VRK1: variants seen among roughly 807,000 people sequenced by gnomAD.
VRK1 encodes serine/threonine-protein kinase VRK1.
Under a neutral mutation model 57.1 loss-of-function variants are expected in VRK1, and 33 were observed. The ratio of observed to expected loss-of-function variants is 0.58; its 90% CI spans 0.44 to 0.77. The LOEUF (loss-of-function observed/expected upper bound fraction) is 0.77. Among genes scored for constraint, VRK1 ranks in the 30% least tolerant of loss-of-function variants. VRK1 has a pLI of 0.00. For missense variants in VRK1, 413 were observed against 477.3 expected (o/e 0.87, Z 1.25); for synonymous variants, 137 against 147.8 (o/e 0.93, Z 0.53).
At chr14:96,843,070 A>G (rs1181065135) in intron 3 of VRK1, among the ~76,000 whole-genome samples, 1 of 152,242 alleles carries the variant, frequency 6.6e-6, no homozygotes, top group Non-Finnish European at 1.5e-5. Flanking sequence ...TGTTAGGCAC[A>G]TAATAAAAAT....
chr14:96,815,343 A>G (rs1186960403), intron 1 of VRK1, among the ~76,000 whole-genome samples: 2 of 152,210 alleles, frequency 1.3e-5, no homozygotes, highest in Non-Finnish European at 2.9e-5. Flanking sequence ...TGAGGGATGC[A>G]GATAAATGTA....
At chr14:96,844,965 G>A (rs1887620111) in intron 3 of VRK1, among the ~76,000 whole-genome samples, 1 of 152,116 alleles carries the variant, frequency 6.6e-6, no homozygotes, top group African/African-American at 2.4e-5. Flanking sequence ...GTGAAGAAAA[G>A]GTGAACATAT....
intron 12 of VRK1, among the ~76,000 whole-genome samples, chr14:96,879,952 A>G (rs962895334): frequency 2.0e-5 from 3 of 151,926 alleles, no homozygotes; most frequent in South Asian, 2.1e-4. Context: ...AATAATAAAA[A>G]TAAAATTTCT....
In VRK1 at chr14:96,821,312, GAGCTT is replaced by G. The variant is rs148431679; in HGVS notation, c.-5-12152_-5-12148del. Among the ~76,000 whole-genome samples the G allele has an allele frequency of 9.0e-3, 1,363 of 152,262 alleles. 22 individuals are homozygous for G. Among genetic ancestry groups the G allele is most frequent in the African/African-American group, 0.031 (1,295 of 41,540 alleles). On this transcript the variant is annotated intron_variant, in intron 1 of 12. Transcript: ENST00000216639. ...GGCAAACTAAATAGCTATAAAGAGAGAGCTTAGAAAGTCTAGAGTAAGAGATGATT... is the reference window on the plus strand; with the variant it reads ...GGCAAACTAAATAGCTATAAAGAGAGAGAAAGTCTAGAGTAAGAGATGATT...
At chr14:96,856,620 T>C in intron 10 of VRK1, 34 bp downstream of exon 10, 2 of 1,585,670 alleles carry the variant, frequency 1.3e-6, no homozygotes, top group Non-Finnish European at 1.7e-6. Context: ...TAATAGGGAT[T>C]TTGTTTTCTG....
intron 1 of VRK1, among the ~76,000 whole-genome samples, chr14:96,822,649 A>G (rs915975268): frequency 6.6e-6 from 1 of 152,250 alleles, no homozygotes; most frequent in African/African-American, 2.4e-5. Context: ...AGCAAAAAAT[A>G]TAACAAATGT....
chr14:96,873,485 G>T (rs1486506463), intron 11 of VRK1, among the ~76,000 whole-genome samples: 1 of 151,754 alleles, frequency 6.6e-6, no homozygotes, highest in East Asian at 2.0e-4. Context: ...GAATACTCAA[G>T]TTTATTTTAT....
intron 11 of VRK1, among the ~76,000 whole-genome samples, chr14:96,866,179 G>T (rs1199552883): frequency 6.6e-6 from 1 of 151,878 alleles, no homozygotes; most frequent in Admixed American, 6.6e-5. Flanking sequence ...CTAGATTATT[G>T]TATTTGTGAA....
rs76056041 is a variant in VRK1, at chr14:96,802,965, A to G, written c.-6+5518A>G. On this transcript the variant is annotated intron_variant, in intron 1 of 12. Coordinates refer to ENST00000216639, the MANE Select transcript of VRK1 (RefSeq NM_003384.3). The stretch of plus-strand genomic sequence containing the variant: ...AATTCAACTGCTGGGTCATATAGTG[A>G]TAAAACCTTGAGCCCTCTTATTCTG... Among the ~76,000 whole-genome samples the G allele has an allele frequency of 8.3e-3, 1,268 of 152,266 alleles. 20 individuals carry two copies. Among genetic ancestry groups the G allele is most frequent in the African/African-American group, 0.029 (1,203 of 41,544 alleles).
At chr14:96,797,477 G>T in intron 1 of VRK1, 30 bp downstream of exon 1, 1 of 152,460 alleles carries the variant, frequency 6.6e-6, no homozygotes, top group South Asian at 2.1e-4. Context: ...CACGGCTCGA[G>T]GACTCGCGCG....
At chr14:96,851,437 G>A (rs543267095) in intron 5 of VRK1, among the ~76,000 whole-genome samples, 2 of 152,144 alleles carry the variant, frequency 1.3e-5, no homozygotes, top group Admixed American at 6.5e-5. Context: ...TACCAGGCCC[G>A]GCCACCACTG....
intron 3 of VRK1, among the ~76,000 whole-genome samples, chr14:96,841,105 C>G (rs1191922746): frequency 6.6e-6 from 1 of 151,904 alleles, no homozygotes; most frequent in African/African-American, 2.4e-5. Flanking sequence ...TGATCCTTCC[C>G]TCTCAGCCTC....
chr14:96,839,111 A>G (rs1887348254), intron 3 of VRK1, among the ~76,000 whole-genome samples: 2 of 145,888 alleles, frequency 1.4e-5, no homozygotes, highest in South Asian at 2.2e-4. Flanking sequence ...TTTGCCGTGA[A>G]TGAGTTATTC....
At chr14:96,877,991 C>T (rs894759675) in intron 12 of VRK1, among the ~76,000 whole-genome samples, 58 of 152,080 alleles carry the variant, frequency 3.8e-4, no homozygotes, top group Admixed American at 3.5e-3. Flanking sequence ...TTAAGGAGAA[C>T]AATTCAGTTT....
chr14:96,813,818 A>C (rs1386254397), intron 1 of VRK1, among the ~76,000 whole-genome samples: 1 of 152,160 alleles, frequency 6.6e-6, no homozygotes, highest in Non-Finnish European at 1.5e-5. Context: ...CTCTCTTTTA[A>C]TTAGCAAAAA....
intron 1 of VRK1, among the ~76,000 whole-genome samples, chr14:96,811,193 A>ATTT (rs1359856793): frequency 1.3e-5 from 2 of 152,066 alleles, no homozygotes; most frequent in African/African-American, 4.8e-5. Flanking sequence ...GGCCTCCCAA[A>ATTT]GTGCAGGGAT....
intron 2 of VRK1, among the ~76,000 whole-genome samples, 190 bp downstream of exon 2, chr14:96,833,821 A>G (rs548446613): frequency 6.6e-6 from 1 of 152,326 alleles, no homozygotes. Flanking sequence ...ACAGAAAAGG[A>G]GGATAAAATA....
chr14:96,872,755 A>T (rs1003667212), intron 11 of VRK1, among the ~76,000 whole-genome samples: 2 of 152,206 alleles, frequency 1.3e-5, no homozygotes, highest in Non-Finnish European at 2.9e-5. Context: ...TATTAGTTTC[A>T]TAAATATTGT....
chr14:96,825,315 T>G (rs549429385), intron 1 of VRK1, among the ~76,000 whole-genome samples: 40 of 152,262 alleles, frequency 2.6e-4, no homozygotes, highest in African/African-American at 9.1e-4. Flanking sequence ...GAATTAGAGT[T>G]TTGAGGAAGA....
Sources: allele counts gnomAD v4.1 joint callset (sites outside exome capture counted in the v4.1 genomes callset), GRCh38; gene constraint gnomAD v4.1.1; transcripts MANE v1.5; gene names NCBI Gene and HGNC (gene_info 2026-07-23, HGNC 2026-07-21).